DACH2: variants seen among roughly 807,000 people sequenced by gnomAD.
DACH2 encodes dachshund homolog 2.
A neutral mutation model predicts 35.8 loss-of-function variants in DACH2; 17 were observed. The observed-to-expected ratio is 0.48, with a 90% confidence interval of 0.33 to 0.71. The LOEUF (loss-of-function observed/expected upper bound fraction) is 0.71. Among genes scored for constraint, DACH2 ranks in the 30% least tolerant of loss-of-function variants. The pLI is 0.02. For synonymous variants in DACH2, 195 were observed against 177.3 expected, an observed-to-expected ratio of 1.10 and a Z score of -0.79; for missense variants, 469 against 472.7, an observed-to-expected ratio of 0.99 and a Z score of 0.07.
intron 7 of DACH2, among the ~76,000 whole-genome samples, chrX:86,771,436 G>A (rs1215091187): frequency 8.9e-6 from 1 of 112,485 alleles, no homozygotes; most frequent in Non-Finnish European, 1.9e-5. Flanking sequence ...ATGGGAAAGG[G>A]TGATACTAAA....
At chrX:86,466,769 C>G (rs1030527522) in intron 2 of DACH2, among the ~76,000 whole-genome samples, 1 of 111,484 alleles carries the variant, frequency 9.0e-6, no homozygotes, top group Non-Finnish European at 1.9e-5. Context: ...CTTCTGTGCA[C>G]TCATAGGCTC....
intron 7 of DACH2, among the ~76,000 whole-genome samples, chrX:86,805,830 A>G (rs747095286): frequency 8.9e-6 from 1 of 112,195 alleles, no homozygotes; most frequent in South Asian, 3.7e-4. Flanking sequence ...AAGCATAGCA[A>G]AAGTGACCTT....
intron 3 of DACH2, among the ~76,000 whole-genome samples, chrX:86,630,033 C>G (rs1263567177): frequency 9.0e-6 from 1 of 111,113 alleles, no homozygotes; most frequent in Non-Finnish European, 1.9e-5. Flanking sequence ...ATAATAGTAT[C>G]CAGGCAGATG....
At chrX:86,677,560 G>T (rs1004894337) in intron 4 of DACH2, among the ~76,000 whole-genome samples, 1 of 111,861 alleles carries the variant, frequency 8.9e-6, no homozygotes, top group Non-Finnish European at 1.9e-5. Flanking sequence ...AAGGAATTTG[G>T]GTATTTGGAG....
intron 11 of DACH2, chrX:86,829,545 G>A (rs1303730929): frequency 9.0e-6 from 1 of 111,076 alleles, no homozygotes; most frequent in Non-Finnish European, 1.9e-5. Flanking sequence ...TAGCTATTCC[G>A]GCTCATAGGC....
chrX:86,664,384 G>A (rs1370129938), intron 4 of DACH2, among the ~76,000 whole-genome samples: 3 of 111,362 alleles, frequency 2.7e-5, no homozygotes, highest in Admixed American at 1.9e-4. Flanking sequence ...GGTGTTGGTC[G>A]GGAGGAGGGA....
chrX:86,254,811 G>T (rs188809264), intron 1 of DACH2, among the ~76,000 whole-genome samples: 12,858 of 40,660 alleles, frequency 0.32, 1,849 homozygotes, highest in Non-Finnish European at 0.42. Context: ...TATATATAGA[G>T]AGAGAGAGAG....
intron 2 of DACH2, among the ~76,000 whole-genome samples, chrX:86,476,921 C>A (rs2037851562): frequency 9.0e-6 from 1 of 111,320 alleles, no homozygotes; most frequent in Non-Finnish European, 1.9e-5. Context: ...GGTCATTCAG[C>A]AGCATAATGT....
At chrX:86,635,400 A>G (rs938021029) in intron 3 of DACH2, among the ~76,000 whole-genome samples, 1 of 110,083 alleles carries the variant, frequency 9.1e-6, no homozygotes. Flanking sequence ...AGAGACATCT[A>G]TGACAAACCC....
At chrX:86,160,435 C>T (rs1189052550) in intron 1 of DACH2, 1 of 538,481 alleles carries the variant, frequency 1.9e-6, no homozygotes, top group African/African-American at 2.3e-5. Flanking sequence ...CATCACCGGA[C>T]TTCAAGAATT....
At chrX:86,677,812 C>T (rs927611092) in intron 4 of DACH2, among the ~76,000 whole-genome samples, 2 of 112,341 alleles carry the variant, frequency 1.8e-5, no homozygotes, top group Admixed American at 1.9e-4. Flanking sequence ...GCTGTACAGG[C>T]AGCTCAACTA....
chrX:86,648,121 G>T (rs746950581), intron 3 of DACH2, among the ~76,000 whole-genome samples: 18 of 111,012 alleles, frequency 1.6e-4, no homozygotes, highest in Non-Finnish European at 3.2e-4. Context: ...CAATTTCAAT[G>T]ATTTAAATAT....
Position 86,294,966 on chromosome X carries a change from G to A in DACH2, c.489-81858G>A, listed in dbSNP as rs1234260092. On this transcript the variant is annotated intron_variant, in intron 1 of 11. Coordinates refer to ENST00000373125, the MANE Select transcript of DACH2 (RefSeq NM_053281.3). ...GGCTCCACCCAGTTCGAGCTTCCTG[G>A]CTGCTTTGTTTACCTAAGCAAGCCT... 3.6e-4 allele frequency among the ~76,000 whole-genome samples: 40 copies of A among 112,106 alleles called. 1 individual carries two copies. Among genetic ancestry groups the A allele is most frequent in the Admixed American group, 1.2e-3 (13 of 10,654 alleles).
At chrX:86,685,707 G>C (rs770534428) in intron 4 of DACH2, among the ~76,000 whole-genome samples, 15 of 111,160 alleles carry the variant, frequency 1.3e-4, no homozygotes, top group African/African-American at 4.3e-4. Flanking sequence ...GGAAGGCAAA[G>C]GGGGAATAGG....
intron 2 of DACH2, among the ~76,000 whole-genome samples, chrX:86,415,076 GACAAC>G (rs2036680517): frequency 9.0e-6 from 1 of 111,656 alleles, no homozygotes; most frequent in African/African-American, 3.3e-5. Context: ...ATATGGCTTT[GACAAC>G]CATATCAAGT....
chrX:86,377,575 G>A (rs1053936063), intron 2 of DACH2, among the ~76,000 whole-genome samples: 1 of 110,328 alleles, frequency 9.1e-6, no homozygotes, highest in South Asian at 3.8e-4. Flanking sequence ...CAAAGGAGGG[G>A]AACCCATGAT....
chrX:86,280,575 G>A (rs2034005584), intron 1 of DACH2, among the ~76,000 whole-genome samples: 1 of 111,861 alleles, frequency 8.9e-6, no homozygotes, highest in African/African-American at 3.3e-5. Flanking sequence ...AGCATCATAA[G>A]GACAGGATCA....
intron 2 of DACH2, among the ~76,000 whole-genome samples, chrX:86,463,683 G>A (rs938093329): frequency 3.6e-5 from 4 of 111,421 alleles, no homozygotes; most frequent in African/African-American, 1.3e-4. Flanking sequence ...ATAGGATCTA[G>A]TCAAACTAAA....
rs1051862619 is a variant in DACH2, at chrX:86,330,715, G to C, written c.489-46109G>C. Among the ~76,000 whole-genome samples, 8 of 111,851 alleles carry C rather than the reference G, an allele frequency of 7.2e-5. No individual in the cohort carries two copies. The South Asian group carries it at 2.6e-3, about 36-fold the overall frequency. ...TCTGGATAATCAAGGTACGTAATTT[G>C]GGTCTTTGGATAGCAGTTGATTGAA... On this transcript the variant is annotated intron_variant, in intron 1 of 11. Transcript: ENST00000373125.
Sources: allele counts gnomAD v4.1 joint callset (sites outside exome capture counted in the v4.1 genomes callset), GRCh38; gene constraint gnomAD v4.1.1; transcripts MANE v1.5; gene names NCBI Gene and HGNC (gene_info 2026-07-23, HGNC 2026-07-21).